CCDC73: variants seen among roughly 807,000 people sequenced by gnomAD.
CCDC73 encodes the protein coiled-coil domain containing 73, also known as coiled-coil domain-containing protein 73.
A neutral mutation model predicts 116.5 loss-of-function variants in CCDC73; 95 were observed. That is an observed-to-expected ratio of 0.82 (90% confidence interval 0.69 to 0.97). The LOEUF (loss-of-function observed/expected upper bound fraction) is 0.97, where lower values mean the gene tolerates loss of function less well. CCDC73 is among the 50% of genes least tolerant of loss of function. The pLI is 0.00. For missense variants in CCDC73, 1,066 were observed against 1,206.8 expected (o/e 0.88, Z 1.73); for synonymous variants, 398 against 401.3 (o/e 0.99, Z 0.10).
the CCDC73 span, among the ~76,000 whole-genome samples, chr11:32,822,344 A>G: frequency 2.0e-5 from 3 of 152,156 alleles, no homozygotes; most frequent in Non-Finnish European, 4.4e-5. Flanking sequence ...CCTCAGGTTT[A>G]TCTGTAGCAT....
rs774247652 is a variant in CCDC73 at position 32,614,078 on chromosome 11, G to A, written c.2240C>T (p.Thr747Ile). ...VKPNSSPGGK[T>I]MCKNMSDMQN... ...CATATCACTCATATTTTTACACATAGTTTTTCCCCCAGGGCTTGAGTTAGG... is the reference window on the plus strand; with the variant it reads ...CATATCACTCATATTTTTACACATAATTTTTCCCCCAGGGCTTGAGTTAGG... Residue 747 changes from threonine (T) to isoleucine (I), a missense_variant, in exon 16 of 18, where the codon ACT (threonine) becomes ATT (isoleucine). Physicochemically the swap from Thr to Ile is moderately conservative, Grantham distance 89. Transcript: ENST00000335185. The A allele has an allele frequency of 6.2e-7, 1 of 1,613,268 alleles. No individual in the cohort carries two copies. The highest frequency in any genetic ancestry group is 1.1e-5 in the South Asian group (1 of 91,076).
intron 9 of CCDC73, among the ~76,000 whole-genome samples, chr11:32,663,814 G>C (rs909572590): frequency 1.6e-4 from 24 of 152,246 alleles, no homozygotes; most frequent in African/African-American, 5.8e-4. Flanking sequence ...TTGGCTGTGG[G>C]TTTGTCATAA....
intron 3 of CCDC73, among the ~76,000 whole-genome samples, chr11:32,709,505 C>T (rs192079920): frequency 1.8e-4 from 28 of 152,274 alleles, no homozygotes; most frequent in African/African-American, 6.3e-4. Flanking sequence ...CCATGTTGTC[C>T]AGGCTTGTCT....
chr11:32,707,382 AC>A (rs1849864934), intron 3 of CCDC73, among the ~76,000 whole-genome samples: 3 of 149,610 alleles, frequency 2.0e-5, no homozygotes, highest in Non-Finnish European at 4.4e-5. Flanking sequence ...ACTCGAAGTT[AC>A]TTTTTTTTTT....
chr11:32,650,630 T>C (rs1437119068), intron 12 of CCDC73, among the ~76,000 whole-genome samples: 1 of 152,174 alleles, frequency 6.6e-6, no homozygotes, highest in Non-Finnish European at 1.5e-5. Flanking sequence ...GCTAGTCTTA[T>C]ATCAGAATAG....
chr11:32,815,260 A>T, the CCDC73 span, among the ~76,000 whole-genome samples: 1 of 152,350 alleles, frequency 6.6e-6, no homozygotes, highest in South Asian at 2.1e-4. Context: ...GTGTTCCTCC[A>T]AAGTTAAAAT....
chr11:32,606,765 C>T (rs1360085562), intron 17 of CCDC73, among the ~76,000 whole-genome samples: 1 of 151,534 alleles, frequency 6.6e-6, no homozygotes, highest in East Asian at 1.9e-4. Flanking sequence ...AAAAAAATTA[C>T]CTTGCCAATG....
At chr11:32,671,914 G>A (rs952908253) in intron 9 of CCDC73, among the ~76,000 whole-genome samples, 4 of 152,168 alleles carry the variant, frequency 2.6e-5, no homozygotes, top group South Asian at 2.1e-4. Flanking sequence ...AGAGGCTAGT[G>A]TTCTCATGAG....
chr11:32,674,405 CT>C (rs977873855), intron 9 of CCDC73, among the ~76,000 whole-genome samples: 1 of 152,134 alleles, frequency 6.6e-6, no homozygotes, highest in African/African-American at 2.4e-5. Context: ...ACTTCTTCCT[CT>C]TGTACCAACT....
At chr11:32,727,630 T>G (rs1222472249) in intron 2 of CCDC73, among the ~76,000 whole-genome samples, 1 of 152,196 alleles carries the variant, frequency 6.6e-6, no homozygotes, top group Non-Finnish European at 1.5e-5. Flanking sequence ...TGGAGCGCAG[T>G]GGCGCCATCT....
chr11:32,750,106 G>T (rs534850228), intron 2 of CCDC73, among the ~76,000 whole-genome samples: 78 of 152,222 alleles, frequency 5.1e-4, no homozygotes, highest in African/African-American at 1.9e-3. Context: ...TCCTGACCTC[G>T]TGATCCGCCT....
chr11:32,627,555 G>A (rs1162168929), intron 14 of CCDC73, among the ~76,000 whole-genome samples: 1 of 152,198 alleles, frequency 6.6e-6, no homozygotes, highest in African/African-American at 2.4e-5. Context: ...CAATAGCAAA[G>A]ACTTGGAACC....
At chr11:32,677,053 C>T (rs764474371) in intron 7 of CCDC73, among the ~76,000 whole-genome samples, 16 of 152,168 alleles carry the variant, frequency 1.1e-4, no homozygotes, top group Non-Finnish European at 1.8e-4. Context: ...TTAGCAGAAT[C>T]ATTAATTGGT....
At chr11:32,803,296 G>C in the CCDC73 span, among the ~76,000 whole-genome samples, 1 of 150,496 alleles carries the variant, frequency 6.6e-6, no homozygotes, top group African/African-American at 2.4e-5. Flanking sequence ...TCACCATGTT[G>C]GCCAGGGTCT....
At chr11:32,703,915 A>T (rs1378936616) in intron 3 of CCDC73, among the ~76,000 whole-genome samples, 2 of 152,246 alleles carry the variant, frequency 1.3e-5, no homozygotes, top group Non-Finnish European at 2.9e-5. Flanking sequence ...ACCACTTTCA[A>T]ATTTTTCTGT....
chr11:32,776,936 A>AAAT (rs1341535562), intron 1 of CCDC73, among the ~76,000 whole-genome samples: 51 of 36,458 alleles, frequency 1.4e-3, no homozygotes, highest in African/African-American at 4.1e-3. Flanking sequence ...AAAAAAAAAA[A>AAAT]ATATATATAT....
chr11:32,670,601 T>C (rs16923515), intron 9 of CCDC73, among the ~76,000 whole-genome samples: 3,661 of 152,272 alleles, frequency 0.024, 141 homozygotes, highest in African/African-American at 0.081. Flanking sequence ...CGCAATGTCC[T>C]ATTGATAACA....
intron 3 of CCDC73, among the ~76,000 whole-genome samples, chr11:32,715,104 T>C (rs959476918): frequency 6.6e-6 from 1 of 152,190 alleles, no homozygotes; most frequent in African/African-American, 2.4e-5. Context: ...TGCAGGCTTT[T>C]GTTCTTTATT....
chr11:32,629,135 A>C (rs1418771006), intron 14 of CCDC73, among the ~76,000 whole-genome samples: 1 of 152,224 alleles, frequency 6.6e-6, no homozygotes, highest in East Asian at 1.9e-4. Context: ...AGGGAAAAAA[A>C]GACTGAAAAA....
Sources: gnomAD v4.1 joint callset for allele counts (sites outside exome capture counted in the v4.1 genomes callset) on GRCh38, gnomAD v4.1.1 for gene constraint, MANE v1.5 for transcripts, NCBI Gene and HGNC (gene_info 2026-07-23, HGNC 2026-07-21) for gene names.